PKD1L1: variants seen among roughly 807,000 people sequenced by gnomAD.
PKD1L1 encodes polycystin-1-like protein 1.
In PKD1L1, 236 loss-of-function variants were observed where a neutral mutation model predicts 323.4. That is an observed-to-expected ratio of 0.73 (90% CI 0.66 to 0.81). The LOEUF is 0.81. Ranked by LOEUF, PKD1L1 falls within the 40% of genes least tolerant of loss-of-function variation. The probability of loss-of-function intolerance (pLI) is 0.00; values close to 1 mark genes in which losing one functional copy is unlikely to be tolerated. For synonymous variants in PKD1L1, 1,344 were observed against 1,335.0 expected, an observed-to-expected ratio of 1.01 and a Z score of -0.15; for missense variants, 3,320 against 3,508.0, an observed-to-expected ratio of 0.95 and a Z score of 1.35.
intron 52 of PKD1L1, among the ~76,000 whole-genome samples, chr7:47,804,477 T>A (rs1784734260): frequency 6.8e-6 from 1 of 146,462 alleles, no homozygotes. Context: ...TAATTTTTTT[T>A]TTTTTTTTTT....
the PKD1L1 span, among the ~76,000 whole-genome samples, chr7:47,959,110 T>C: frequency 6.6e-6 from 1 of 152,242 alleles, no homozygotes. Context: ...AGATGGAGTC[T>C]GGTTCACTCA....
chr7:47,825,708 C>G (rs1785229471), intron 45 of PKD1L1, among the ~76,000 whole-genome samples: 1 of 151,882 alleles, frequency 6.6e-6, no homozygotes, highest in Non-Finnish European at 1.5e-5. Context: ...GATTTTAAGT[C>G]ATAGGGAAGT....
At position 47,880,686 on chromosome 7, in the gene PKD1L1, AC is replaced by A; in HGVS notation, c.3520+41del. The A allele has an allele frequency of 2.0e-6, 3 of 1,487,388 alleles. No homozygotes were observed. In the South Asian group the frequency reaches 3.6e-5, roughly 18 times the overall value. The allele number at this position is 1,487,388 out of a possible 1,614,324, so 92.1% of individuals were successfully genotyped here. A position where few individuals can be genotyped will look rare whatever the true frequency, so the allele number is the denominator to read the frequency against. On this transcript the variant is annotated intron_variant, in intron 21 of 56. Coordinates refer to ENST00000289672, the MANE Select transcript of PKD1L1 (RefSeq NM_138295.5). The stretch of plus-strand genomic sequence containing the variant: ...AGTAAACTCACAGAGACGCAGCAGG[AC>A]TCCTCATCCTCTGATAAATGCAACT...
intron 26 of PKD1L1, among the ~76,000 whole-genome samples, chr7:47,862,596 G>A (rs528719840): frequency 1.3e-5 from 2 of 152,298 alleles, no homozygotes; most frequent in South Asian, 2.1e-4. Context: ...AATATTGAAG[G>A]GGATAGCCCA....
intron 52 of PKD1L1, among the ~76,000 whole-genome samples, chr7:47,806,481 C>T (rs1290520362): frequency 1.3e-5 from 2 of 152,192 alleles, no homozygotes; most frequent in Non-Finnish European, 2.9e-5. Flanking sequence ...CAGAGCTATA[C>T]TATAAAAGGT....
intron 50 of PKD1L1, chr7:47,809,850 T>C: frequency 3.3e-6 from 1 of 305,592 alleles, no homozygotes; most frequent in Non-Finnish European, 6.0e-6. Context: ...GCACGGAGTA[T>C]GGGCATCTAC....
chr7:47,949,368 C>CAAACAAAAAAAAAAA (rs1788167746), upstream of PKD1L1, among the ~76,000 whole-genome samples: 1 of 57,134 alleles, frequency 1.8e-5, no homozygotes, highest in African/African-American at 6.7e-5. Context: ...GGCTCTGTCT[C>CAAACAAAAAAAAAAA]AAAAAAAAAA....
At chr7:47,783,924 C>T (rs1303697787) in intron 56 of PKD1L1, among the ~76,000 whole-genome samples, 4 of 152,256 alleles carry the variant, frequency 2.6e-5, no homozygotes, top group East Asian at 1.9e-4. Flanking sequence ...AGAAGCCAGC[C>T]GACAGTGTAT....
At position 47,879,669 on chromosome 7, in the gene PKD1L1, C is replaced by T. The variant is rs547387998; in HGVS notation, c.3520+1059G>A. On this transcript the variant is annotated intron_variant, in intron 21 of 56. Coordinates refer to ENST00000289672, the MANE Select transcript of PKD1L1 (RefSeq NM_138295.5). ...AAAAAAAAGGCCAGGCACGGTGGCT[C>T]ACGCCTGTAATCCCAGCACTTTGGG... is the stretch of plus-strand genomic sequence containing the variant. 3.5e-5 allele frequency among the ~76,000 whole-genome samples: 5 copies of T among 141,828 alleles called. 1 individual carries two copies. The South Asian group carries it at 9.1e-4, about 26-fold the overall frequency. 93.0% of individuals were successfully genotyped at this position (141,828 alleles called of 152,430 possible).
chr7:47,801,019 T>C (rs1437000489), intron 53 of PKD1L1, 140 bp from the exon 54 acceptor site: 4 of 769,230 alleles, frequency 5.2e-6, no homozygotes, highest in Non-Finnish European at 6.4e-6. Flanking sequence ...ATCCCTGGTT[T>C]TGAACCCAAA....
At chr7:47,916,760 C>T (rs1787436841) in intron 7 of PKD1L1, among the ~76,000 whole-genome samples, 1 of 152,166 alleles carries the variant, frequency 6.6e-6, no homozygotes, top group African/African-American at 2.4e-5. Context: ...CAGGAAGCCA[C>T]ATCCATAGGA....
At position 47,943,427 on chromosome 7, in the gene PKD1L1, G is replaced by T. The variant is rs780498114; in HGVS notation, c.129C>A (p.Ser43Arg). 1.2e-6 allele frequency: 2 copies of T among 1,613,608 alleles called. No homozygotes were observed. The highest frequency in any genetic ancestry group is 2.2e-5 in the South Asian group (2 of 91,074). The change falls in exon 2 of 57, where the codon AGC becomes AGA. Residue 43 changes from serine (S) to arginine (R), a missense_variant. Ser to Arg is a moderately radical substitution (Grantham distance 110). Transcript: ENST00000289672. Reference protein sequence around the residue: ...TDKSWGLHLCSCSPPGGGLWV... With the variant: ...TDKSWGLHLCRCSPPGGGLWV... Reference sequence around the variant, plus strand: ...ACAATCCACCTCCAGGAGGGCTACAGCTGCACAGATGAAGACCCCAGCTCT... The same window carrying T: ...ACAATCCACCTCCAGGAGGGCTACATCTGCACAGATGAAGACCCCAGCTCT...
Position 47,853,218 on chromosome 7 carries a change from C to G in PKD1L1, c.4869G>C (p.Glu1623Asp). Residue 1623 changes from glutamate (E) to aspartate (D), a missense_variant, in exon 31 of 57, where the codon GAG (glutamate) becomes GAC (aspartate). Glu to Asp is a conservative substitution (Grantham distance 45, BLOSUM62 2). Transcript: ENST00000289672. ...CAAGAAAATCAGAGGGAGTAGGTTTCTCAGAGAATCTAGGAGATAAAAACA... is the reference window on the plus strand; with the variant it reads ...CAAGAAAATCAGAGGGAGTAGGTTTGTCAGAGAATCTAGGAGATAAAAACA... ...FPVMLLVRFSEKPTPSDFLVK... is the reference protein window; with the variant it reads ...FPVMLLVRFSDKPTPSDFLVK... 1 of 1,608,626 alleles carries G rather than the reference C, an allele frequency of 6.2e-7. No homozygotes were observed. Among genetic ancestry groups the G allele is most frequent in the Non-Finnish European group, 8.5e-7 (1 of 1,175,120 alleles).
At chr7:47,864,875 G>A (rs550723447) in intron 26 of PKD1L1, among the ~76,000 whole-genome samples, 163 of 151,830 alleles carry the variant, frequency 1.1e-3, no homozygotes, top group African/African-American at 3.5e-3. Context: ...TTACAGGTGC[G>A]CGCCACCATG....
At chr7:47,913,343 G>A (rs1280107461) in intron 8 of PKD1L1, among the ~76,000 whole-genome samples, 3 of 152,058 alleles carry the variant, frequency 2.0e-5, no homozygotes, top group South Asian at 2.1e-4. Flanking sequence ...CTCTAGAACC[G>A]GAACTAAGAC....
intron 55 of PKD1L1, chr7:47,795,508 C>T (rs768125277): frequency 2.7e-6 from 1 of 373,662 alleles, no homozygotes; most frequent in Non-Finnish European, 5.3e-6. Context: ...AGTATGAAAA[C>T]AAACTAATAT....
At chr7:47,926,289 G>A (rs1463151168) in intron 7 of PKD1L1, among the ~76,000 whole-genome samples, 1 of 152,128 alleles carries the variant, frequency 6.6e-6, no homozygotes, top group Non-Finnish European at 1.5e-5. Flanking sequence ...AGGTCTTTAG[G>A]TAATAACTTA....
chr7:47,781,155 A>T (rs1370337931), intron 56 of PKD1L1, among the ~76,000 whole-genome samples: 1 of 152,202 alleles, frequency 6.6e-6, no homozygotes. Flanking sequence ...GGCTAGTGAT[A>T]GTCACATCTT....
Position 47,846,643 on chromosome 7 carries a change from G to T in PKD1L1, c.5153+236C>A, listed in dbSNP as rs192820594. ...CAGTCGGTACGGGAAGGAGGAATAC[G>T]AGGACAGTCTATAAAGCAGCCCTTG... On this transcript the variant is annotated intron_variant, in intron 32 of 56. Transcript: ENST00000289672. Among the ~76,000 whole-genome samples, 20 of 152,366 alleles carry T rather than the reference G, an allele frequency of 1.3e-4. No individual in the cohort carries two copies. The East Asian group carries it at 3.5e-3, about 26-fold the overall frequency.
Sources: allele counts gnomAD v4.1 joint callset (sites outside exome capture counted in the v4.1 genomes callset), GRCh38; gene constraint gnomAD v4.1.1; transcripts MANE v1.5; gene names NCBI Gene and HGNC (gene_info 2026-07-23, HGNC 2026-07-21).